CBX1: variants seen among roughly 807,000 people sequenced by gnomAD.
CBX1 encodes the protein chromobox 1, also known as chromobox protein homolog 1.
In CBX1, 10 loss-of-function variants were observed where a neutral mutation model predicts 25.1. That is an observed-to-expected ratio of 0.40 (90% confidence interval 0.25 to 0.68). The LOEUF (loss-of-function observed/expected upper bound fraction) is 0.68, where lower values mean the gene tolerates loss of function less well. Among genes scored for constraint, CBX1 ranks in the 30% least tolerant of loss-of-function variants. The pLI, the probability that CBX1 is intolerant of heterozygous loss-of-function variation, is 0.40. For synonymous variants in CBX1, 63 were observed against 79.4 expected (o/e 0.79, Z 1.10); for missense variants, 106 against 218.5 (o/e 0.49, Z 3.25).
rs1375748763 is a variant in CBX1, at chr17:48,101,192, C to A, written c.-38+76G>T. Reference sequence around the variant, plus strand: ...CTAACCTCCGCCTCGAAAGCGCGTTCCCTCACGCAGGGCTCCCGCCGCCGC... The same window carrying A: ...CTAACCTCCGCCTCGAAAGCGCGTTACCTCACGCAGGGCTCCCGCCGCCGC... On this transcript the variant is annotated intron_variant, in intron 1 of 4. Coordinates refer to ENST00000225603, the MANE Select transcript of CBX1 (RefSeq NM_001127228.2). 4.0e-6 allele frequency: 4 copies of A among 989,108 alleles called. No individual in the cohort carries two copies. In the African/African-American group the frequency reaches 7.0e-5, roughly 17 times the overall value. 61.3% of individuals were successfully genotyped at this position (989,108 alleles called of 1,614,324 possible).
chr17:48,084,425 G>A (rs2037768677), intron 1 of CBX1, among the ~76,000 whole-genome samples: 1 of 146,476 alleles, frequency 6.8e-6, no homozygotes, highest in African/African-American at 2.6e-5. Flanking sequence ...TGCTCAGCCT[G>A]GTCTCCAACT....
intron 1 of CBX1, among the ~76,000 whole-genome samples, chr17:48,086,861 C>CA (rs201109974): frequency 0.051 from 7,756 of 150,706 alleles, 284 homozygotes; most frequent in Middle Eastern, 0.076. Context: ...GACTTCGTCT[C>CA]AAAAAAAAGA....
In CBX1 at chr17:48,098,601, G is replaced by A. The variant is rs186064618; in HGVS notation, c.-38+2667C>T. Among the ~76,000 whole-genome samples the A allele has an allele frequency of 2.6e-5, 4 of 152,188 alleles. No homozygotes were observed. In the East Asian group the frequency reaches 7.7e-4, roughly 29 times the overall value. On this transcript the variant is annotated intron_variant, in intron 1 of 4. Transcript: ENST00000225603. ...CAACCTCTGCCTCCCGGGTTCAAACGATTCTCCTGCCTCAGCCTCCCAAGT... is the reference window on the plus strand; with the variant it reads ...CAACCTCTGCCTCCCGGGTTCAAACAATTCTCCTGCCTCAGCCTCCCAAGT...
At chr17:48,075,147 T>C (rs1011065104) in intron 3 of CBX1, 47 bp from the exon 4 acceptor site, 1 of 1,215,468 alleles carries the variant, frequency 8.2e-7, no homozygotes. Context: ...ATGGGACTAT[T>C]ATCCAGACTG....
In CBX1 at chr17:48,084,951, T is replaced by C. The variant is rs562516048; in HGVS notation, c.-37-7910A>G. On this transcript the variant is annotated intron_variant, in intron 1 of 4. Coordinates refer to ENST00000225603, the MANE Select transcript of CBX1 (RefSeq NM_001127228.2). Reference sequence around the variant, plus strand: ...AAAAACCAATACTCTCAAGAGTTACTAGTTGAAGCTAGTAACTGAGTTGAC... The same window carrying C: ...AAAAACCAATACTCTCAAGAGTTACCAGTTGAAGCTAGTAACTGAGTTGAC... Among the ~76,000 whole-genome samples the C allele has an allele frequency of 2.0e-5, 3 of 152,226 alleles. No homozygotes were observed. In the South Asian group the frequency reaches 6.2e-4, roughly 32 times the overall value.
chr17:48,077,443 T>TTG (rs2037687049), intron 1 of CBX1, among the ~76,000 whole-genome samples: 2 of 55,464 alleles, frequency 3.6e-5, no homozygotes, highest in Non-Finnish European at 8.0e-5. Context: ...GTTTTTTTTT[T>TTG]TGTTTTTTTT....
chr17:48,073,672 C>A (rs995762490), intron 4 of CBX1, among the ~76,000 whole-genome samples: 6 of 151,782 alleles, frequency 4.0e-5, no homozygotes, highest in African/African-American at 1.5e-4. Context: ...ATGAAAAATA[C>A]AAAAATCAGC....
At chr17:48,101,020 C>T (rs978830581) in intron 1 of CBX1, 25 of 985,594 alleles carry the variant, frequency 2.5e-5, no homozygotes, top group Non-Finnish European at 1.6e-5. Flanking sequence ...GCTCGGCCCA[C>T]CCCCAAGCAC....
intron 1 of CBX1, chr17:48,088,828 C>T (rs1248734514): frequency 6.6e-6 from 1 of 151,920 alleles, no homozygotes; most frequent in East Asian, 1.9e-4. Context: ...TGACATTATT[C>T]CATAAAGATC....
chr17:48,083,858 G>A (rs1366182421), intron 1 of CBX1, among the ~76,000 whole-genome samples: 9 of 150,466 alleles, frequency 6.0e-5, no homozygotes, highest in Non-Finnish European at 1.3e-4. Context: ...ACCATTACTT[G>A]TGTGAGATTT....
chr17:48,094,489 T>A (rs1034720586), intron 1 of CBX1, among the ~76,000 whole-genome samples: 3 of 150,948 alleles, frequency 2.0e-5, no homozygotes, highest in African/African-American at 7.3e-5. Flanking sequence ...TCTCAGCACT[T>A]TGGGAGGCCG....
chr17:48,074,407 G>C (rs931277562), intron 4 of CBX1, among the ~76,000 whole-genome samples: 1 of 152,202 alleles, frequency 6.6e-6, no homozygotes, highest in Non-Finnish European at 1.5e-5. Context: ...AGATTGTTGG[G>C]ATAACTATCT....
intron 4 of CBX1, among the ~76,000 whole-genome samples, chr17:48,073,075 T>G (rs760390718): frequency 6.6e-6 from 1 of 151,934 alleles, no homozygotes; most frequent in Non-Finnish European, 1.5e-5. Flanking sequence ...TGAACAGAGA[T>G]CGCCTCACTG....
At chr17:48,071,612 C>T (rs2144423416) in intron 4 of CBX1, 33 bp from the exon 5 acceptor site, 5 of 1,564,938 alleles carry the variant, frequency 3.2e-6, no homozygotes, top group Non-Finnish European at 4.3e-6. Flanking sequence ...ACTTTGAGAC[C>T]AGGTGCTGGT....
intron 1 of CBX1, among the ~76,000 whole-genome samples, chr17:48,100,225 C>A (rs913249956): frequency 6.6e-6 from 1 of 150,872 alleles, no homozygotes; most frequent in Non-Finnish European, 1.5e-5. Context: ...GAAGGGCCCA[C>A]GAAACAAATA....
At chr17:48,084,363 G>T (rs2037768157) in intron 1 of CBX1, among the ~76,000 whole-genome samples, 1 of 148,350 alleles carries the variant, frequency 6.7e-6, no homozygotes. Flanking sequence ...ACAGGTGCGT[G>T]CCACCACACC....
At chr17:48,100,779 C>CA in intron 1 of CBX1, 1 of 985,530 alleles carries the variant, frequency 1.0e-6, no homozygotes, top group Non-Finnish European at 1.2e-6. Flanking sequence ...GGCCCTCTTC[C>CA]AATTCACTCG....
intron 1 of CBX1, chr17:48,095,883 GTTTC>G (rs2063372135): frequency 6.6e-6 from 1 of 152,010 alleles, no homozygotes; most frequent in Non-Finnish European, 1.5e-5. Flanking sequence ...GTTAGCAGGA[GTTTC>G]TTTTTTTTTT....
At chr17:48,086,528 G>C (rs572426117) in intron 1 of CBX1, among the ~76,000 whole-genome samples, 2 of 152,140 alleles carry the variant, frequency 1.3e-5, no homozygotes, top group Non-Finnish European at 2.9e-5. Flanking sequence ...AAACCAGTAG[G>C]GTTTCTAGCT....
Sources: allele counts gnomAD v4.1 joint callset (sites outside exome capture counted in the v4.1 genomes callset), GRCh38; gene constraint gnomAD v4.1.1; transcripts MANE v1.5; gene names NCBI Gene and HGNC (gene_info 2026-07-23, HGNC 2026-07-21).